The following BEST3 variants were observed in gnomAD, a reference collection of about 807,000 sequenced individuals.
The protein encoded by BEST3 is bestrophin 3.
A neutral mutation model predicts 47.1 loss-of-function variants in BEST3; 50 were observed. The observed-to-expected ratio is 1.06, with a 90% CI of 0.85 to 1.34. BEST3 has a LOEUF of 1.34. Ranked by LOEUF, BEST3 falls within the 40% of genes most tolerant of loss-of-function variation. The pLI is 0.00. For synonymous variants in BEST3, 282 were observed against 298.8 expected, an observed-to-expected ratio of 0.94 and a Z score of 0.58; for missense variants, 765 against 817.0, an observed-to-expected ratio of 0.94 and a Z score of 0.78.
In BEST3 at chr12:69,655,444, C is replaced by T; in HGVS notation, c.1470G>A (p.Val490=). Residue 490 remains valine, a synonymous_variant, in exon 10 of 10, where the codon GTG becomes GTA. Transcript: ENST00000330891. ...GTGGCATTTTGATGGGGGAAGTTCT[C>T]ACACTGGACTGTGGGGTCAGGCTCT... ...TLQSLTPQSS[V]RTSPIKMPLV... 3.1e-6 allele frequency: 5 copies of T among 1,614,160 alleles called. No individual in the cohort carries two copies. The highest frequency in any genetic ancestry group is 1.1e-5 in the South Asian group (1 of 91,076).
rs778735903 is a variant in BEST3, at chr12:69,677,161, C to G, written c.714+19G>C. ...GTAGGCAAGTAGAAATAAAGAATTCCATGAAAAGTATTTCTTACCTGGGTG... is the reference window on the plus strand; with the variant it reads ...GTAGGCAAGTAGAAATAAAGAATTCGATGAAAAGTATTTCTTACCTGGGTG... On this transcript the variant is annotated intron_variant, in intron 6 of 9. Transcript: ENST00000330891. 1 of 1,613,426 alleles carries G rather than the reference C, an allele frequency of 6.2e-7. No homozygotes were observed. Among genetic ancestry groups the G allele is most frequent in the Non-Finnish European group, 8.5e-7 (1 of 1,179,468 alleles).
At chr12:69,680,792 C>A (rs1346297344) in intron 4 of BEST3, among the ~76,000 whole-genome samples, 3 of 151,972 alleles carry the variant, frequency 2.0e-5, no homozygotes, top group Non-Finnish European at 4.4e-5. Context: ...TCATACAGGC[C>A]TATTTTTAAA....
chr12:69,664,357 G>A (rs1884053959), intron 9 of BEST3, among the ~76,000 whole-genome samples: 1 of 152,138 alleles, frequency 6.6e-6, no homozygotes, highest in Admixed American at 6.6e-5. Context: ...TGGCTGCACA[G>A]GCACCATCTC....
rs1014611827 is a variant in BEST3 at position 69,677,346 on chromosome 12, T to A, written c.637-89A>T. The A allele has an allele frequency of 2.7e-5, 32 of 1,168,628 alleles. No homozygotes were observed. The African/African-American group carries it at 4.7e-4, about 17-fold the overall frequency. 72.4% of individuals were successfully genotyped at this position (1,168,628 alleles called of 1,614,324 possible). A position where few individuals can be genotyped will look rare whatever the true frequency, so the allele number is the denominator to read the frequency against. On this transcript the variant is annotated intron_variant, in intron 5 of 9. Coordinates refer to ENST00000330891, the MANE Select transcript of BEST3 (RefSeq NM_032735.3). ...GGGACTCAGAATGTGAGCATGTCTT[T>A]TACAGGACTGACTGTAAGGCTAGTA...
chr12:69,661,952 G>A (rs905219473), intron 9 of BEST3, among the ~76,000 whole-genome samples: 1 of 152,136 alleles, frequency 6.6e-6, no homozygotes, highest in African/African-American at 2.4e-5. Context: ...CTTGGCTCTT[G>A]CTGGCTGACA....
chr12:69,651,019 G>A (rs749627243), downstream of BEST3, among the ~76,000 whole-genome samples: 4 of 152,258 alleles, frequency 2.6e-5, no homozygotes, highest in Non-Finnish European at 4.4e-5. Flanking sequence ...GGCTGAGACA[G>A]GCAGATCTCT....
At chr12:69,682,205 A>G (rs1885299865) in intron 4 of BEST3, among the ~76,000 whole-genome samples, 1 of 152,168 alleles carries the variant, frequency 6.6e-6, no homozygotes, top group Non-Finnish European at 1.5e-5. Flanking sequence ...GGGTGATTTA[A>G]TAGAATTGGG....
At chr12:69,653,607 G>C, downstream of BEST3, 1 of 977,988 alleles carries the variant, frequency 1.0e-6, no homozygotes, top group Non-Finnish European at 1.2e-6. Context: ...CTCAATAAAT[G>C]GTAGTTTTGA....
chr12:69,697,586 T>C, intron 2 of BEST3, 61 bp downstream of exon 2: 1 of 1,356,198 alleles, frequency 7.4e-7, no homozygotes, highest in South Asian at 1.6e-5. Context: ...GTTCAGATTT[T>C]TGAGACTGTA....
At chr12:69,671,949 A>C (rs1272508089) in intron 8 of BEST3, among the ~76,000 whole-genome samples, 1 of 152,150 alleles carries the variant, frequency 6.6e-6, no homozygotes, top group African/African-American at 2.4e-5. Context: ...ATATTACAGG[A>C]AGGTGAAGAT....
At chr12:69,666,113 G>A (rs181965079) in intron 9 of BEST3, among the ~76,000 whole-genome samples, 1 of 152,120 alleles carries the variant, frequency 6.6e-6, no homozygotes. Flanking sequence ...TTCCCCTCCT[G>A]GGTTCAAGTG....
At chr12:69,674,664 G>A (rs866220330) in intron 7 of BEST3, among the ~76,000 whole-genome samples, 6 of 152,024 alleles carry the variant, frequency 3.9e-5, no homozygotes, top group Admixed American at 1.3e-4. Context: ...ATGTATTATC[G>A]TAGTCTACAT....
At chr12:69,656,799 A>G (rs1235797760) in intron 9 of BEST3, among the ~76,000 whole-genome samples, 1 of 152,166 alleles carries the variant, frequency 6.6e-6, no homozygotes, top group Non-Finnish European at 1.5e-5. Context: ...TGGAAAGCCT[A>G]CTACACAGGG....
chr12:69,677,162 A>G lies in BEST3; in HGVS notation c.714+18T>C, dbSNP rs710718. ...TAGGCAAGTAGAAATAAAGAATTCCATGAAAAGTATTTCTTACCTGGGTGT... is the reference window on the plus strand; with the variant it reads ...TAGGCAAGTAGAAATAAAGAATTCCGTGAAAAGTATTTCTTACCTGGGTGT... On this transcript the variant is annotated intron_variant, in intron 6 of 9. Coordinates refer to ENST00000330891, the MANE Select transcript of BEST3 (RefSeq NM_032735.3). The G allele has an allele frequency of 0.99, 1,599,553 of 1,613,620 alleles. 793,758 individuals carry two copies. Among genetic ancestry groups the G allele is most frequent in the East Asian group, 1 (44,847 of 44,850 alleles).
rs1386542668 is a variant in BEST3, at chr12:69,672,936, T to C, written c.897A>G (p.Gly299=). The C allele has an allele frequency of 6.2e-7, 1 of 1,613,530 alleles. No homozygotes were observed. The highest frequency in any genetic ancestry group is 1.7e-5 in the Admixed American group (1 of 59,958). ...KVAEQLINPF[G]EDDDDFETNW... is the part of the protein sequence containing the mutation. ...TAGTTTCAAAATCATCATCATCTTCTCCAAAAGGGTTGATAAGCTGCTCTG... is the reference window on the plus strand; with the variant it reads ...TAGTTTCAAAATCATCATCATCTTCCCCAAAAGGGTTGATAAGCTGCTCTG... The change falls in exon 8 of 10, where the codon GGA becomes GGG. Residue 299 remains glycine (G), a synonymous_variant. Coordinates refer to ENST00000330891, the MANE Select transcript of BEST3 (RefSeq NM_032735.3).
intron 9 of BEST3, among the ~76,000 whole-genome samples, chr12:69,647,742 A>C (rs898083986): frequency 1.3e-5 from 2 of 152,218 alleles, no homozygotes; most frequent in African/African-American, 2.4e-5. Flanking sequence ...AAAACAAAAA[A>C]ATTGATGAAT....
chr12:69,697,232 G>T (rs1460168328), intron 2 of BEST3, among the ~76,000 whole-genome samples: 2 of 152,304 alleles, frequency 1.3e-5, no homozygotes, highest in East Asian at 3.9e-4. Context: ...CACCAATCAT[G>T]AACATGTTGA....
intron 8 of BEST3, among the ~76,000 whole-genome samples, 183 bp from the exon 9 acceptor site, chr12:69,671,762 C>T (rs1272430305): frequency 3.3e-5 from 5 of 152,114 alleles, no homozygotes; most frequent in Non-Finnish European, 7.3e-5. Context: ...CTGTTGTTTA[C>T]TACTCGAGAG....
At chr12:69,669,863 C>T (rs553931101) in intron 9 of BEST3, 2 of 152,326 alleles carry the variant, frequency 1.3e-5, no homozygotes, top group South Asian at 2.1e-4. Flanking sequence ...ATAAGTAGGT[C>T]AGGATAAAAA....
Sources: gnomAD v4.1 joint callset for allele counts (sites outside exome capture counted in the v4.1 genomes callset) on GRCh38, gnomAD v4.1.1 for gene constraint, MANE v1.5 for transcripts, NCBI Gene and HGNC (gene_info 2026-07-23, HGNC 2026-07-21) for gene names.